The following PRAMEF14 variants were observed in gnomAD, a reference collection of about 807,000 sequenced individuals.
PRAMEF14 encodes the protein PRAME family member 14.
In PRAMEF14, 24 loss-of-function variants were observed where a neutral mutation model predicts 38.3. The observed-to-expected ratio is 0.63, with a 90% CI of 0.45 to 0.88. PRAMEF14 has a LOEUF of 0.88. PRAMEF14 is among the 40% of genes least tolerant of loss of function. PRAMEF14 has a pLI of 0.00. For missense variants in PRAMEF14, 477 were observed against 570.8 expected, an observed-to-expected ratio of 0.84 and a Z score of 1.67; for synonymous variants, 194 against 226.4, an observed-to-expected ratio of 0.86 and a Z score of 1.29.
At position 13,345,330 on chromosome 1, in the gene PRAMEF14, A is replaced by G; in HGVS notation, c.-16T>C. On this transcript the variant is annotated 5_prime_UTR_variant, in exon 2 of 4. Transcript: ENST00000334600. ...GGATGCTCATCCTGATAGATCTGCAAGAAAAATCTCTAGAAGACAAATCCA... is the reference window on the plus strand; with the variant it reads ...GGATGCTCATCCTGATAGATCTGCAGGAAAAATCTCTAGAAGACAAATCCA... The G allele has an allele frequency of 3.1e-6, 5 of 1,604,054 alleles. No homozygotes were observed. Among genetic ancestry groups the G allele is most frequent in the Non-Finnish European group, 4.2e-6 (5 of 1,176,900 alleles).
At chr1:13,343,839 C>T in intron 3 of PRAMEF14, 199 bp downstream of exon 3, 3 of 1,498,686 alleles carry the variant, frequency 2.0e-6, no homozygotes, top group Non-Finnish European at 1.8e-6. Context: ...CCAGGTGACC[C>T]CTCTGCCCTT....
At chr1:13,345,443 G>T in intron 1 of PRAMEF14, 104 bp from the exon 2 acceptor site, 2 of 1,359,364 alleles carry the variant, frequency 1.5e-6, no homozygotes, top group Non-Finnish European at 2.0e-6. Context: ...AGGAGGGAGG[G>T]GTCAAGGAGA....
chr1:13,343,638 G>A, intron 3 of PRAMEF14: 1 of 1,325,202 alleles, frequency 7.5e-7, no homozygotes, highest in East Asian at 5.5e-5. Flanking sequence ...AAGCCGGTGA[G>A]GACAGACGTT....
rs1440870359 is a variant in PRAMEF14 at position 13,345,071 on chromosome 1, G to A, written c.244C>T (p.Leu82=). The change falls in exon 2 of 4, where the codon CTG becomes TTG. Residue 82 remains leucine, a synonymous_variant. Transcript: ENST00000334600. ...TLHLETLKAL[L]EGLHMLLTQK... is the part of the protein sequence containing the mutation. ...GTAAGCAGCATATGAAGCCCTTCCA[G>A]CAATGCTTTTAAGGTCTCCAAATGA... The A allele has an allele frequency of 6.3e-7, 1 of 1,584,862 alleles. No homozygotes were observed. Among genetic ancestry groups the A allele is most frequent in the Non-Finnish European group, 8.6e-7 (1 of 1,161,992 alleles).
At chr1:13,345,802 G>C (rs1194638843) in intron 1 of PRAMEF14, among the ~76,000 whole-genome samples, 163 of 151,072 alleles carry the variant, frequency 1.1e-3, no homozygotes, top group Non-Finnish European at 2.0e-3. Flanking sequence ...TCAGGAGTTC[G>C]AGAACAGCCT....
Position 13,344,307 on chromosome 1 carries a change from C to G in PRAMEF14, c.597G>C (p.Leu199Phe), listed in dbSNP as rs1640372476. The change falls in exon 3 of 4, where the codon TTG (leucine) becomes TTC (phenylalanine). Residue 199 changes from leucine (L) to phenylalanine (F), a missense_variant. This residue lies in a region of PRAMEF14 where 234 missense variants were observed against 247.4 expected (regional missense o/e 0.95). Transcript: ENST00000334600. ...GAATACTATTCAGGTATATTATTTT[C>G]AATGACTTTCTGAGATGTTTAATCG... ...LTPIKHLRKS[L>F]KIIYLNSIQQ... 3 of 1,607,214 alleles carry G rather than the reference C, an allele frequency of 1.9e-6. No individual in the cohort carries two copies. The African/African-American group carries it at 4.0e-5, about 21-fold the overall frequency.
Position 13,345,222 on chromosome 1 carries a change from C to A in PRAMEF14, c.93G>T (p.Leu31=), listed in dbSNP as rs1640386052. Residue 31 remains leucine (L), a synonymous_variant, in exon 2 of 4, where the codon CTG becomes CTT. Coordinates refer to ENST00000334600, the MANE Select transcript of PRAMEF14 (RefSeq NM_001024661.2). ...AGAGTGGGAGATAGAGCACCCTGGGCAGCTCCTCCATGGCAGAGATGGACA... is the reference window on the plus strand; with the variant it reads ...AGAGTGGGAGATAGAGCACCCTGGGAAGCTCCTCCATGGCAGAGATGGACA... ...QALSISAMEE[L]PRVLYLPLFM... 5 of 1,606,312 alleles carry A rather than the reference C, an allele frequency of 3.1e-6. No homozygotes were observed. In the South Asian group the frequency reaches 5.5e-5, roughly 18 times the overall value.
intron 1 of PRAMEF14, among the ~76,000 whole-genome samples, chr1:13,345,696 A>G (rs1236609361): frequency 6.6e-6 from 1 of 151,420 alleles, no homozygotes; most frequent in Non-Finnish European, 1.5e-5. Flanking sequence ...ATTATTTTTT[A>G]TTTTGAAAAT....
Position 13,344,521 on chromosome 1 carries a change from G to T in PRAMEF14, c.383C>A (p.Thr128Asn). ...GAWALSCFPE[T>N]MSKRQTAEDC... is the part of the protein sequence containing the mutation. ...CTCTGCTGTCTGCCTCTTACTCATG[G>T]TCTCTGGGAAGCAGGACAGGGCCCA... is the stretch of plus-strand genomic sequence containing the variant. The change falls in exon 3 of 4, where the codon ACC becomes AAC. Residue 128 changes from threonine to asparagine, a missense_variant. By Grantham distance (65) the Thr-to-Asn change is moderately conservative. Coordinates refer to ENST00000334600, the MANE Select transcript of PRAMEF14 (RefSeq NM_001024661.2). 1.6e-5 allele frequency: 25 copies of T among 1,607,296 alleles called. No homozygotes were observed. In the South Asian group the frequency reaches 2.6e-4, roughly 17 times the overall value.
At position 13,342,669 on chromosome 1, in the gene PRAMEF14, C is replaced by G. The variant is rs759419327; in HGVS notation, c.1284G>C (p.Glu428Asp). 15 of 1,605,132 alleles carry G rather than the reference C, an allele frequency of 9.3e-6. 2 individuals carry two copies. The highest frequency in any genetic ancestry group is 1.2e-5 in the Non-Finnish European group (14 of 1,178,084). ...SLNSLVRVDW[E>D]IFALLRAELM... ...GCTCAGCCCGAAGTAGGGCGAAGAT[C>G]TCCCAATCGACACGAACCAAGGAAT... The change falls in exon 4 of 4, where the codon GAG becomes GAC. Residue 428 changes from glutamate (E) to aspartate (D), a missense_variant. Transcript: ENST00000334600.
Position 13,342,048 on chromosome 1 carries a change from C to T in PRAMEF14, c.*480G>A, listed in dbSNP as rs2100348928. 1 of 160,532 alleles carries T rather than the reference C, an allele frequency of 6.2e-6. No homozygotes were observed. Among genetic ancestry groups the T allele is most frequent in the Middle Eastern group, 3.3e-3 (1 of 302 alleles). The allele number at this position is 160,532 out of a possible 1,614,324, so 9.9% of individuals were successfully genotyped here. On this transcript the variant is annotated 3_prime_UTR_variant, in exon 4 of 4. Coordinates refer to ENST00000334600, the MANE Select transcript of PRAMEF14 (RefSeq NM_001024661.2). ...CAGGTTAAAAGTTTTCATTCAGGTG[C>T]TCTTTATTTCTGATATTCCTTGGTA...
rs1179489859 is a variant in PRAMEF14, at chr1:13,344,974, G to A, written c.287+54C>T. On this transcript the variant is annotated intron_variant, in intron 2 of 3. Coordinates refer to ENST00000334600, the MANE Select transcript of PRAMEF14 (RefSeq NM_001024661.2). ...GGCTACTTCTCTGCCTGACCCTGCT[G>A]TTCTTTCCCTGGACACCTGAGCCCT... 3.7e-6 allele frequency: 5 copies of A among 1,343,064 alleles called. No homozygotes were observed. In the Admixed American group the frequency reaches 5.6e-5, roughly 15 times the overall value. The allele number at this position is 1,343,064 out of a possible 1,614,324, so 83.2% of individuals were successfully genotyped here.
chr1:13,343,191 A>G, intron 3 of PRAMEF14, 105 bp from the exon 4 acceptor site: 1 of 658,972 alleles, frequency 1.5e-6, no homozygotes, highest in Non-Finnish European at 2.6e-6. Flanking sequence ...GTTTGTTCCC[A>G]CCATCTGATG....
rs1408232730 is a variant in PRAMEF14 at position 13,343,192 on chromosome 1, C to T, written c.867-106G>A. ...TCAAACAAACACAAGTTTGTTCCCA[C>T]CATCTGATGATGGTCCTCATGGAAG... On this transcript the variant is annotated intron_variant, in intron 3 of 3. Transcript: ENST00000334600. 1.7e-5 allele frequency: 11 copies of T among 658,084 alleles called. 1 individual carries two copies. Among genetic ancestry groups the T allele is most frequent in the South Asian group, 5.8e-5 (3 of 51,510 alleles). The allele number at this position is 658,084 out of a possible 1,614,324, so 40.8% of individuals were successfully genotyped here.
At chr1:13,343,510 C>T (rs1470616065) in intron 3 of PRAMEF14, 29 of 1,232,472 alleles carry the variant, frequency 2.4e-5, no homozygotes, top group African/African-American at 7.9e-5. Context: ...ACCACTCTCA[C>T]GCCTACTCCC....
Position 13,342,767 on chromosome 1 carries a change from C to T in PRAMEF14, c.1186G>A (p.Asp396Asn). ...AGCCCACTGGTGTGGCACAACAGGT[C>T]CTTCAGGGCACCCATAGACATACAA... ...RNCMSMGALK[D>N]LLCHTSGLSK... Residue 396 changes from aspartate (D) to asparagine (N), a missense_variant, in exon 4 of 4, where the codon GAC (aspartate) becomes AAC (asparagine). Transcript: ENST00000334600. The T allele has an allele frequency of 6.2e-7, 1 of 1,603,936 alleles. No homozygotes were observed. Among genetic ancestry groups the T allele is most frequent in the South Asian group, 1.1e-5 (1 of 90,460 alleles).
intron 1 of PRAMEF14, among the ~76,000 whole-genome samples, chr1:13,346,210 T>C (rs1175224652): frequency 6.6e-6 from 1 of 150,864 alleles, no homozygotes; most frequent in Admixed American, 6.6e-5. Flanking sequence ...AAGGTATGTA[T>C]AGAAATGCTA....
Position 13,344,076 on chromosome 1 carries a change from C to T in PRAMEF14, c.828G>A (p.Leu276=). 1.2e-6 allele frequency: 2 copies of T among 1,608,762 alleles called. No individual in the cohort carries two copies. The highest frequency in any genetic ancestry group is 1.7e-5 in the Admixed American group (1 of 59,852). The change falls in exon 3 of 4, where the codon TTG becomes TTA. Residue 276 remains leucine, a synonymous_variant. Coordinates refer to ENST00000334600, the MANE Select transcript of PRAMEF14 (RefSeq NM_001024661.2). ...LEHLQLLKIK[L]ITFFSGHLEQ... ...CCAGGTGCCCACTGAAGAAGGTGATCAATTTTATTTTAAGCAACTGGAGGT... is the reference window on the plus strand; with the variant it reads ...CCAGGTGCCCACTGAAGAAGGTGATTAATTTTATTTTAAGCAACTGGAGGT...
rs1382002487 is a variant in PRAMEF14 at position 13,344,978 on chromosome 1, T to C, written c.287+50A>G. 6 of 1,339,658 alleles carry C rather than the reference T, an allele frequency of 4.5e-6. 1 individual carries two copies. The highest frequency in any genetic ancestry group is 1.0e-6 in the Non-Finnish European group (1 of 957,724). The allele number at this position is 1,339,658 out of a possible 1,614,324, so 83.0% of individuals were successfully genotyped here. ...ACTTCTCTGCCTGACCCTGCTGTTC[T>C]TTCCCTGGACACCTGAGCCCTATCT... On this transcript the variant is annotated intron_variant, in intron 2 of 3. Transcript: ENST00000334600.
Sources: allele counts gnomAD v4.1 joint callset (sites outside exome capture counted in the v4.1 genomes callset), GRCh38; gene constraint gnomAD v4.1.1; regional missense constraint gnomAD v4.1.1; transcripts MANE v1.5; gene names NCBI Gene and HGNC (gene_info 2026-07-23, HGNC 2026-07-21).